The following RPTOR variants were observed in gnomAD, a reference collection of about 807,000 sequenced individuals.
The protein encoded by RPTOR is regulatory-associated protein of mTOR.
RPTOR carries 21 observed loss-of-function variants against 169.9 expected under a neutral mutation model. That is an observed-to-expected ratio of 0.12 (90% CI 0.09 to 0.18). The LOEUF is 0.18. RPTOR is among the 10% of genes least tolerant of loss of function. RPTOR has a pLI of 1.00. For missense variants in RPTOR, 1,133 were observed against 1,855.9 expected (o/e 0.61, Z 7.16); for synonymous variants, 732 against 753.2 (o/e 0.97, Z 0.46).
In RPTOR at chr17:80,965,850, A is replaced by G; in HGVS notation, c.*1520A>G. On this transcript the variant is annotated 3_prime_UTR_variant, in exon 34 of 34. Coordinates refer to ENST00000306801, the MANE Select transcript of RPTOR (RefSeq NM_020761.3). ...GCTCCTTTTTGGAATGCGAGCTCCC[A>G]CCAGAAGAAGGTTCCGGCACGAATC... 1 of 233,408 alleles carries G rather than the reference A, an allele frequency of 4.3e-6. No homozygotes were observed. Among genetic ancestry groups the G allele is most frequent in the East Asian group, 6.0e-5 (1 of 16,588 alleles). 14.5% of individuals were successfully genotyped at this position (233,408 alleles called of 1,614,324 possible). A position where few individuals can be genotyped will look rare whatever the true frequency, so the allele number is the denominator to read the frequency against.
At chr17:80,842,773 A>G (rs1293832563) in intron 10 of RPTOR, among the ~76,000 whole-genome samples, 2 of 152,196 alleles carry the variant, frequency 1.3e-5, no homozygotes, top group Non-Finnish European at 2.9e-5. Flanking sequence ...GTCAGCTAGC[A>G]GCTTGTGTGT....
chr17:80,554,155 C>T lies in RPTOR; in HGVS notation c.162+8364C>T, dbSNP rs143561493. Among the ~76,000 whole-genome samples, 971 of 151,540 alleles carry T rather than the reference C, an allele frequency of 6.4e-3. 11 individuals are homozygous for T. The highest frequency in any genetic ancestry group is 0.022 in the African/African-American group (893 of 41,286). ...ATCCTCCTGCCTCAGCCTCCTGAGT[C>T]GCTGGGACTACAGGTGTGAGTCACC... On this transcript the variant is annotated intron_variant, in intron 1 of 33. Transcript: ENST00000306801.
chr17:80,695,211 C>T lies in RPTOR; in HGVS notation c.349-12630C>T, dbSNP rs567707530. 4.6e-5 allele frequency among the ~76,000 whole-genome samples: 7 copies of T among 152,262 alleles called. No individual in the cohort carries two copies. The highest frequency in any genetic ancestry group is 2.6e-4 in the Admixed American group (4 of 15,296). ...GTGCCCAAGACAGAGGCTGCCCCGA[C>T]CCGTGCTGTGCGGGTCACTCACCCC... is the stretch of plus-strand genomic sequence containing the variant. On this transcript the variant is annotated intron_variant, in intron 3 of 33. Coordinates refer to ENST00000306801, the MANE Select transcript of RPTOR (RefSeq NM_020761.3). This position sits in a 1 kb window ranked among gnomAD's most constrained non-coding sequence, Gnocchi z 4.9.
chr17:80,693,465 T>C (rs2066010091), intron 3 of RPTOR, among the ~76,000 whole-genome samples: 1 of 152,262 alleles, frequency 6.6e-6, no homozygotes, highest in African/African-American at 2.4e-5. Flanking sequence ...CCAGCTATTC[T>C]AGTTCTTGTC....
intron 7 of RPTOR, among the ~76,000 whole-genome samples, chr17:80,792,590 G>T (rs2067059875): frequency 6.6e-6 from 1 of 152,084 alleles, no homozygotes; most frequent in Admixed American, 6.5e-5. Flanking sequence ...GTGCCCAGAG[G>T]CTTTCCAAAC....
chr17:80,821,720 C>T (rs1414255530), intron 7 of RPTOR, among the ~76,000 whole-genome samples: 3 of 152,226 alleles, frequency 2.0e-5, no homozygotes, highest in Non-Finnish European at 2.9e-5. Flanking sequence ...ATCCCCACAT[C>T]CCTGTCGCAG....
chr17:80,597,815 T>C (rs545813788), intron 1 of RPTOR, among the ~76,000 whole-genome samples: 13 of 149,090 alleles, frequency 8.7e-5, no homozygotes, highest in Non-Finnish European at 1.5e-4. Context: ...TGCCTGGCCA[T>C]GTTTTTTTTG....
At chr17:80,736,609 G>C (rs2066435648) in intron 5 of RPTOR, among the ~76,000 whole-genome samples, 1 of 152,152 alleles carries the variant, frequency 6.6e-6, no homozygotes, top group Non-Finnish European at 1.5e-5. Context: ...ATATCTCACA[G>C]ATCTAAAGTA....
chr17:80,741,162 C>T (rs963216769), intron 5 of RPTOR, among the ~76,000 whole-genome samples: 2 of 152,188 alleles, frequency 1.3e-5, no homozygotes, highest in Non-Finnish European at 2.9e-5. Context: ...CTCCCCGTGA[C>T]CCAGCAGGAG....
At chr17:80,636,059 G>T (rs1368238177) in intron 2 of RPTOR, among the ~76,000 whole-genome samples, 1 of 152,180 alleles carries the variant, frequency 6.6e-6, no homozygotes, top group Non-Finnish European at 1.5e-5. Context: ...TAGAAATCGA[G>T]ATTTTTGTGT....
At chr17:80,760,149 G>A (rs2066719988) in intron 6 of RPTOR, among the ~76,000 whole-genome samples, 1 of 152,116 alleles carries the variant, frequency 6.6e-6, no homozygotes, top group Non-Finnish European at 1.5e-5. Flanking sequence ...TCTGATGGGA[G>A]TCGGCAGACC....
chr17:80,764,320 A>G (rs12603922), intron 6 of RPTOR, among the ~76,000 whole-genome samples: 1 of 89,984 alleles, frequency 1.1e-5, no homozygotes, highest in East Asian at 3.9e-4. Flanking sequence ...CCCTCCCCCC[A>G]CCCCACAACA....
Position 80,893,326 on chromosome 17 carries a change from G to A in RPTOR, c.2243-381G>A, listed in dbSNP as rs558133929. Among the ~76,000 whole-genome samples, 456 of 135,634 alleles carry A rather than the reference G, an allele frequency of 3.4e-3. 7 individuals carry two copies. The highest frequency in any genetic ancestry group is 0.024 in the Admixed American group (336 of 13,894). 89.0% of individuals were successfully genotyped at this position (135,634 alleles called of 152,430 possible). A position where few individuals can be genotyped will look rare whatever the true frequency, so the allele number is the denominator to read the frequency against. On this transcript the variant is annotated intron_variant, in intron 19 of 33. Coordinates refer to ENST00000306801, the MANE Select transcript of RPTOR (RefSeq NM_020761.3). ...GTGTGTGTGCGCCAGGTGTGTGCGC[G>A]CGCCAGGTGTGTGTGCGCCAGGGTG...
At chr17:80,644,270 G>T (rs1462185580) in intron 3 of RPTOR, among the ~76,000 whole-genome samples, 2 of 141,656 alleles carry the variant, frequency 1.4e-5, no homozygotes, top group East Asian at 4.2e-4. Context: ...AAAAGATAAG[G>T]TTCTTTTTAG....
rs201378330 is a variant in RPTOR, at chr17:80,813,463, C to A, written c.891-8738C>A. On this transcript the variant is annotated intron_variant, in intron 7 of 33. Coordinates refer to ENST00000306801, the MANE Select transcript of RPTOR (RefSeq NM_020761.3). ...GTGCTTTATGTGTAAGGTTTCAATG[C>A]AGCGTTCATTGAGAAGCTGGATGAA... 5.9e-5 allele frequency among the ~76,000 whole-genome samples: 9 copies of A among 152,290 alleles called. No individual in the cohort carries two copies. The East Asian group carries it at 1.7e-3, about 29-fold the overall frequency.
rs1328103626 is a variant in RPTOR at position 80,962,520 on chromosome 17, A to C, written c.3752A>C (p.Gln1251Pro). Residue 1251 changes from glutamine (Q) to proline (P), a missense_variant, in exon 32 of 34, where the codon CAG becomes CCG. Gln to Pro is a moderately conservative substitution (Grantham distance 76). Coordinates refer to ENST00000306801, the MANE Select transcript of RPTOR (RefSeq NM_020761.3). ...PRMPESVNVL[Q>P]IVKGLTALDI... ...ATGCCTGAGTCGGTAAATGTGCTTC[A>C]GATCGTGAAGGGGCTGACGGCCCTG... 1 of 1,613,922 alleles carries C rather than the reference A, an allele frequency of 6.2e-7. No homozygotes were observed. The highest frequency in any genetic ancestry group is 8.5e-7 in the Non-Finnish European group (1 of 1,179,952).
intron 6 of RPTOR, among the ~76,000 whole-genome samples, chr17:80,771,164 T>G (rs944815606): frequency 6.6e-6 from 1 of 152,112 alleles, no homozygotes; most frequent in African/African-American, 2.4e-5. Context: ...TCTCTGAAGC[T>G]CCCACTCTCT....
chr17:80,742,695 A>G (rs2143262681), intron 5 of RPTOR, among the ~76,000 whole-genome samples: 1 of 152,056 alleles, frequency 6.6e-6, no homozygotes, highest in South Asian at 2.1e-4. Flanking sequence ...ACAGAGACAC[A>G]CATAGACACC....
At chr17:80,605,225 A>G (rs1021097037) in intron 1 of RPTOR, among the ~76,000 whole-genome samples, 2 of 152,198 alleles carry the variant, frequency 1.3e-5, no homozygotes, top group Admixed American at 1.3e-4. Flanking sequence ...TGAAGAAGGA[A>G]GAAAGGCTGT....
Sources: allele counts gnomAD v4.1 joint callset (sites outside exome capture counted in the v4.1 genomes callset), GRCh38; gene constraint gnomAD v4.1.1; non-coding constraint Gnocchi (gnomAD v3.1); transcripts MANE v1.5; gene names NCBI Gene and HGNC (gene_info 2026-07-23, HGNC 2026-07-21).